The following ADRA1A variants were observed in gnomAD, a reference collection of about 807,000 sequenced individuals.
The protein encoded by ADRA1A is adrenoceptor alpha 1A, also known as alpha-1A adrenergic receptor.
Under a neutral mutation model 29.6 loss-of-function variants are expected in ADRA1A, and 31 were observed. That is an observed-to-expected ratio of 1.05 (90% CI 0.79 to 1.41). ADRA1A has a LOEUF of 1.41. Among genes scored for constraint, ADRA1A ranks in the 40% most tolerant of loss-of-function variants. The pLI is 0.00. For missense variants in ADRA1A, 619 were observed against 601.1 expected, an observed-to-expected ratio of 1.03 and a Z score of -0.31; for synonymous variants, 311 against 254.3, an observed-to-expected ratio of 1.22 and a Z score of -2.12.
At chr8:26,794,761 C>T (rs941188133) in intron 2 of ADRA1A, among the ~76,000 whole-genome samples, 3 of 152,032 alleles carry the variant, frequency 2.0e-5, no homozygotes, top group Non-Finnish European at 4.4e-5. Flanking sequence ...GGATTTATCC[C>T]TCACTTTAAA....
At chr8:26,807,020 A>G (rs1304312058) in intron 2 of ADRA1A, among the ~76,000 whole-genome samples, 2 of 152,250 alleles carry the variant, frequency 1.3e-5, no homozygotes, top group African/African-American at 4.8e-5. Flanking sequence ...TGTTCACTGA[A>G]CGAGCTTACT....
In ADRA1A at chr8:26,863,737, C is replaced by T. The variant is rs534338263; in HGVS notation, c.883+350G>A. Among the ~76,000 whole-genome samples the T allele has an allele frequency of 1.5e-4, 23 of 152,330 alleles. No individual in the cohort carries two copies. The South Asian group carries it at 4.8e-3, about 32-fold the overall frequency. On this transcript the variant is annotated intron_variant, in intron 2 of 2. Coordinates refer to ENST00000380573, the MANE Select transcript of ADRA1A (RefSeq NM_000680.4). ...AATGGCATTCCACAGTCAGCCTAAGCACTTGGTGGAGACTCTGAGACTAGA... is the reference window on the plus strand; with the variant it reads ...AATGGCATTCCACAGTCAGCCTAAGTACTTGGTGGAGACTCTGAGACTAGA...
Position 26,770,055 on chromosome 8 carries a change from G to T in ADRA1A, c.*94C>A, listed in dbSNP as rs943687800. ...TCCCAGCAGGTCCCCTCTTTGATTG[G>T]TCCTGTCTTGTCCTCCAAGAAGAGC... On this transcript the variant is annotated 3_prime_UTR_variant, in exon 3 of 3. Transcript: ENST00000380573. 6.6e-7 allele frequency: 1 copy of T among 1,506,156 alleles called. No homozygotes were observed. The highest frequency in any genetic ancestry group is 1.4e-5 in the African/African-American group (1 of 71,660). The allele number at this position is 1,506,156 out of a possible 1,614,324, so 93.3% of individuals were successfully genotyped here.
At chr8:26,812,010 A>G (rs988855347) in intron 2 of ADRA1A, among the ~76,000 whole-genome samples, 21 of 152,230 alleles carry the variant, frequency 1.4e-4, no homozygotes, top group Non-Finnish European at 2.4e-4. Context: ...AAAGCAGCCA[A>G]AAACATTCTT....
In ADRA1A at chr8:26,787,571, G is replaced by C. The variant is rs1159693288; in HGVS notation, c.884-16905C>G. On this transcript the variant is annotated intron_variant, in intron 2 of 2. Transcript: ENST00000380573. The surrounding 1 kb of genome is among the most constrained non-coding windows in gnomAD (Gnocchi z 4.2). ...AGGAGAACTGTCATCTGTAGTTCTT[G>C]GATATGGAGAGAAGGGAAAAGTGAA... Among the ~76,000 whole-genome samples the C allele has an allele frequency of 6.6e-6, 1 of 151,796 alleles. No homozygotes were observed. The highest frequency in any genetic ancestry group is 6.6e-5 in the Admixed American group (1 of 15,182).
chr8:26,790,547 A>G (rs1478692458), intron 2 of ADRA1A, among the ~76,000 whole-genome samples: 2 of 152,186 alleles, frequency 1.3e-5, no homozygotes, highest in Non-Finnish European at 2.9e-5. Flanking sequence ...CTATAGCACT[A>G]TAAGATGACT....
At chr8:26,820,107 C>T (rs547964106) in intron 2 of ADRA1A, among the ~76,000 whole-genome samples, 93 of 152,052 alleles carry the variant, frequency 6.1e-4, no homozygotes, top group Non-Finnish European at 9.0e-4. Context: ...GCAAATATTA[C>T]CAAAACTGAA....
chr8:26,865,109 G>A lies in ADRA1A; in HGVS notation c.-140C>T, dbSNP rs946796096. 6.1e-6 allele frequency: 9 copies of A among 1,474,164 alleles called. No homozygotes were observed. In the African/African-American group the frequency reaches 1.1e-4, roughly 19 times the overall value. 91.3% of individuals were successfully genotyped at this position (1,474,164 alleles called of 1,614,324 possible). A position where few individuals can be genotyped will look rare whatever the true frequency, so the allele number is the denominator to read the frequency against. On this transcript the variant is annotated 5_prime_UTR_variant, in exon 2 of 3. Transcript: ENST00000380573. This position sits in a 1 kb window ranked among gnomAD's most constrained non-coding sequence, Gnocchi z 7.6. Reference sequence around the variant, plus strand: ...CAGGTGGGTTTGGCTGGGGGTGAGAGCGCGCGCGCGGGTGGGAAACAACCC... The same window carrying A: ...CAGGTGGGTTTGGCTGGGGGTGAGAACGCGCGCGCGGGTGGGAAACAACCC...
At chr8:26,854,426 G>GCAT (rs72498072) in intron 2 of ADRA1A, 1 of 118,150 alleles carries the variant, frequency 8.5e-6, no homozygotes, top group African/African-American at 3.0e-5. Context: ...AGCGGGGCGG[G>GCAT]GGGGGGGAGC....
In ADRA1A at chr8:26,865,766, G is replaced by T. The variant is rs374593632; in HGVS notation, c.-686-111C>A. 10 of 958,642 alleles carry T rather than the reference G, an allele frequency of 1.0e-5. No homozygotes were observed. Among genetic ancestry groups the T allele is most frequent in the Non-Finnish European group, 1.2e-5 (10 of 805,660 alleles). 59.4% of individuals were successfully genotyped at this position (958,642 alleles called of 1,614,324 possible). ...CAGTTGGGAGCCGGGTTGGTTCTGC[G>T]GTCCAGAAGCTGCTTCGCCCGGCAG... On this transcript the variant is annotated intron_variant, in intron 1 of 2. Coordinates refer to ENST00000380573, the MANE Select transcript of ADRA1A (RefSeq NM_000680.4). This position sits in a 1 kb window ranked among gnomAD's most constrained non-coding sequence, Gnocchi z 7.6.
intron 2 of ADRA1A, among the ~76,000 whole-genome samples, chr8:26,812,765 C>T (rs1327127489): frequency 2.0e-5 from 3 of 151,662 alleles, no homozygotes; most frequent in South Asian, 2.1e-4. Context: ...CCCGGGTTCA[C>T]GCCATTCTCC....
rs1224004719 is a variant in ADRA1A at position 26,848,728 on chromosome 8, C to T, written c.883+15359G>A. Among the ~76,000 whole-genome samples, 1 of 152,166 alleles carries T rather than the reference C, an allele frequency of 6.6e-6. No homozygotes were observed. Among genetic ancestry groups the T allele is most frequent in the East Asian group, 1.9e-4 (1 of 5,188 alleles). On this transcript the variant is annotated intron_variant, in intron 2 of 2. Transcript: ENST00000380573. The surrounding 1 kb of genome is among the most constrained non-coding windows in gnomAD (Gnocchi z 4.3). ...ACTTCTTCTTTCCTAGGAAAAGAGT[C>T]ATTAAACTCTACACGTTTCACACAA...
chr8:26,760,775 A>G (rs1805467101), intron 2 of ADRA1A, among the ~76,000 whole-genome samples: 1 of 152,208 alleles, frequency 6.6e-6, no homozygotes, highest in Non-Finnish European at 1.5e-5. Flanking sequence ...CTGGGTAAGC[A>G]TATGCCCACC....
chr8:26,812,687 T>C (rs538446703), intron 2 of ADRA1A, among the ~76,000 whole-genome samples: 30 of 151,648 alleles, frequency 2.0e-4, no homozygotes, highest in South Asian at 1.7e-3. Flanking sequence ...TTTTTTGAGA[T>C]GGGGTCTCAC....
chr8:26,757,484 C>T (rs1020187098), intron 2 of ADRA1A, among the ~76,000 whole-genome samples: 1 of 151,500 alleles, frequency 6.6e-6, no homozygotes, highest in African/African-American at 2.4e-5. Context: ...GGAAGTACAG[C>T]TTCAAGTCTG....
At position 26,842,697 on chromosome 8, in the gene ADRA1A, C is replaced by T. The variant is rs376453616; in HGVS notation, c.883+21390G>A. ...CCTGCCTCAAACCCCCAGTGGCTCC[C>T]CACTTCCTCTGATTTCATGGCCAAA... On this transcript the variant is annotated intron_variant, in intron 2 of 2. Coordinates refer to ENST00000380573, the MANE Select transcript of ADRA1A (RefSeq NM_000680.4). Among the ~76,000 whole-genome samples, 15 of 152,232 alleles carry T rather than the reference C, an allele frequency of 9.9e-5. No individual in the cohort carries two copies. The East Asian group carries it at 1.7e-3, about 18-fold the overall frequency.
chr8:26,842,423 C>A (rs984441336), intron 2 of ADRA1A, among the ~76,000 whole-genome samples: 2 of 152,206 alleles, frequency 1.3e-5, no homozygotes, highest in Middle Eastern at 6.9e-3. Context: ...ACAACTAATC[C>A]CTACTGCATG....
chr8:26,843,900 C>A (rs796549494), intron 2 of ADRA1A, among the ~76,000 whole-genome samples: 13 of 152,294 alleles, frequency 8.5e-5, no homozygotes, highest in African/African-American at 3.1e-4. Flanking sequence ...TTGGCGAACA[C>A]GTGTTGTGCC....
intron 2 of ADRA1A, chr8:26,756,858 C>A: frequency 2.6e-6 from 4 of 1,560,514 alleles, no homozygotes; most frequent in Non-Finnish European, 3.5e-6. Context: ...AATGTGATCA[C>A]AATTTTATCC....
Sources: gnomAD v4.1 joint callset for allele counts (sites outside exome capture counted in the v4.1 genomes callset) on GRCh38, gnomAD v4.1.1 for gene constraint, Gnocchi (gnomAD v3.1) non-coding constraint, MANE v1.5 for transcripts, NCBI Gene and HGNC (gene_info 2026-07-23, HGNC 2026-07-21) for gene names.